Variants in BAIAP2 observed in about 807,000 individuals in gnomAD.
BAIAP2 encodes BAR/IMD domain containing adaptor protein 2.
Under a neutral mutation model 63.0 loss-of-function variants are expected in BAIAP2, and 18 were observed. The ratio of observed to expected loss-of-function variants is 0.29; its 90% CI spans 0.20 to 0.42. The LOEUF (loss-of-function observed/expected upper bound fraction) is 0.42. Ranked by LOEUF, BAIAP2 falls within the 10% of genes least tolerant of loss-of-function variation. The probability of loss-of-function intolerance (pLI) is 1.00; values close to 1 mark genes in which losing one functional copy is unlikely to be tolerated. For synonymous variants in BAIAP2, 386 were observed against 307.6 expected, an observed-to-expected ratio of 1.25 and a Z score of -2.67; for missense variants, 610 against 734.3, an observed-to-expected ratio of 0.83 and a Z score of 1.96.
intron 3 of BAIAP2, among the ~76,000 whole-genome samples, chr17:81,068,389 C>T (rs1403697391): frequency 1.3e-5 from 2 of 152,230 alleles, no homozygotes; most frequent in Non-Finnish European, 2.9e-5. Flanking sequence ...TGGCTTCTGT[C>T]CCCTGCAGAG....
chr17:81,093,842 C>T (rs2057208865), intron 6 of BAIAP2, among the ~76,000 whole-genome samples: 1 of 152,176 alleles, frequency 6.6e-6, no homozygotes, highest in African/African-American at 2.4e-5. Flanking sequence ...CCGGTGATCG[C>T]CAGCGTGGAG....
In BAIAP2 at chr17:81,106,860, G is replaced by T. The variant is rs199655276; in HGVS notation, c.1453G>T (p.Gly485Cys). 5 of 1,606,254 alleles carry T rather than the reference G, an allele frequency of 3.1e-6. No homozygotes were observed. Among genetic ancestry groups the T allele is most frequent in the Admixed American group, 3.4e-5 (2 of 59,508 alleles). Residue 485 changes from glycine to cysteine, a missense_variant, in exon 12 of 14, where the codon GGC becomes TGC. By Grantham distance (159) the Gly-to-Cys change is radical. Coordinates refer to ENST00000428708, the MANE Select transcript of BAIAP2 (RefSeq NM_001144888.2). Reference sequence around the variant, plus strand: ...GGCCTTCCCCGCCCAGACGGCCAGCGGCTTCAAGCAGAGGCCCTACAGTGT... The same window carrying T: ...GGCCTTCCCCGCCCAGACGGCCAGCTGCTTCAAGCAGAGGCCCTACAGTGT... ...SRAFPAQTASGFKQRPYSVAV... is the reference protein window; with the variant it reads ...SRAFPAQTASCFKQRPYSVAV...
At chr17:81,085,469 C>T in intron 4 of BAIAP2, 185 bp from the exon 5 acceptor site, 1 of 700,382 alleles carries the variant, frequency 1.4e-6, no homozygotes. Context: ...TCAGCACTCG[C>T]TCCTGGCTCC....
At position 81,116,535 on chromosome 17, in the gene BAIAP2, G is replaced by T; in HGVS notation, c.*696G>T. The T allele has an allele frequency of 1.7e-6, 1 of 598,224 alleles. No individual in the cohort carries two copies. Among genetic ancestry groups the T allele is most frequent in the Non-Finnish European group, 2.9e-6 (1 of 343,932 alleles). 37.1% of individuals were successfully genotyped at this position (598,224 alleles called of 1,614,324 possible). On this transcript the variant is annotated 3_prime_UTR_variant, in exon 14 of 14. Coordinates refer to ENST00000428708, the MANE Select transcript of BAIAP2 (RefSeq NM_001144888.2). ...CAGGGCCTCCCAGCTCGCTCCTGCG[G>T]CCAAAGGCCAGCTGTCAGGTGCTAT...
At chr17:81,051,054 C>A (rs957335774) in intron 1 of BAIAP2, among the ~76,000 whole-genome samples, 7 of 151,890 alleles carry the variant, frequency 4.6e-5, no homozygotes, top group African/African-American at 1.7e-4. Context: ...GGCGCCAGAC[C>A]TATCTCACCC....
intron 3 of BAIAP2, 60 bp downstream of exon 3, chr17:81,058,027 G>A: frequency 6.1e-6 from 8 of 1,313,692 alleles, no homozygotes; most frequent in South Asian, 1.3e-5. Context: ...CAGCTCTGGG[G>A]CCCTGTCCTG....
intron 2 of BAIAP2, among the ~76,000 whole-genome samples, chr17:81,055,341 G>A (rs958686671): frequency 2.0e-5 from 3 of 152,118 alleles, no homozygotes; most frequent in Non-Finnish European, 4.4e-5. Context: ...AGTTGGGGGT[G>A]GCCTTCATGT....
chr17:81,110,170 T>C (rs920867599), intron 13 of BAIAP2: 1 of 985,490 alleles, frequency 1.0e-6, no homozygotes, highest in African/African-American at 1.7e-5. Flanking sequence ...TGATGTGGTT[T>C]AGTAAAAGCC....
rs554578372 is a variant in BAIAP2 at position 81,099,876 on chromosome 17, T to C, written c.490-52T>C. 28 of 1,595,824 alleles carry C rather than the reference T, an allele frequency of 1.8e-5. No homozygotes were observed. In the African/African-American group the frequency reaches 3.5e-4, roughly 20 times the overall value. On this transcript the variant is annotated intron_variant, in intron 6 of 13. Coordinates refer to ENST00000428708, the MANE Select transcript of BAIAP2 (RefSeq NM_001144888.2). ...CCGTGGGGCTGCCCCAAACCGGTCCTGACAGGCGTCCTTCCATCGCTGGCT... is the reference window on the plus strand; with the variant it reads ...CCGTGGGGCTGCCCCAAACCGGTCCCGACAGGCGTCCTTCCATCGCTGGCT...
rs569874181 is a variant in BAIAP2 at position 81,065,024 on chromosome 17, C to T, written c.217+7057C>T. Among the ~76,000 whole-genome samples, 10 of 152,338 alleles carry T rather than the reference C, an allele frequency of 6.6e-5. No individual in the cohort carries two copies. In the South Asian group the frequency reaches 1.9e-3, roughly 28 times the overall value. The stretch of plus-strand genomic sequence containing the variant: ...CCATGGTGTTTCTCCCTTCCAGCTC[C>T]GGCAGGCGTGATTCCGGGGCACACC... On this transcript the variant is annotated intron_variant, in intron 3 of 13. Transcript: ENST00000428708.
Position 81,085,742 on chromosome 17 carries a change from C to CGTGCCTGCTGGGCCCT in BAIAP2, c.351+25_351+40dup. On this transcript the variant is annotated intron_variant, in intron 5 of 13. Transcript: ENST00000428708. ...TATCTGAGTGTAAGTGCACCCTGGC[C>CGTGCCTGCTGGGCCCT]GTGCCTGCTGGGCCCTGTGCCTGGG... 6.2e-7 allele frequency: 1 copy of CGTGCCTGCTGGGCCCT among 1,608,274 alleles called. No individual in the cohort carries two copies. The highest frequency in any genetic ancestry group is 8.5e-7 in the Non-Finnish European group (1 of 1,176,138).
At chr17:81,105,834 G>T in intron 10 of BAIAP2, 1 of 447,394 alleles carries the variant, frequency 2.2e-6, no homozygotes, top group African/African-American at 2.0e-5. Flanking sequence ...CCTTGCAGTT[G>T]GGTCTGGTGG....
chr17:81,099,445 G>A (rs946781999), intron 6 of BAIAP2, among the ~76,000 whole-genome samples: 2 of 152,026 alleles, frequency 1.3e-5, no homozygotes, highest in African/African-American at 4.8e-5. Flanking sequence ...AGATGGCTGA[G>A]ATGGCTGAGA....
intron 13 of BAIAP2, chr17:81,108,799 C>T: frequency 8.7e-7 from 1 of 1,146,360 alleles, no homozygotes; most frequent in Non-Finnish European, 1.2e-6. Flanking sequence ...GCTGGGGCTG[C>T]AGCCTCCTCT....
chr17:81,068,740 C>T (rs539463299), intron 3 of BAIAP2, among the ~76,000 whole-genome samples: 47 of 152,254 alleles, frequency 3.1e-4, no homozygotes, highest in Middle Eastern at 3.4e-3. Context: ...ACATGAAGTC[C>T]TGCGGGAGGG....
At chr17:81,110,896 C>T in intron 13 of BAIAP2, 1 of 1,613,804 alleles carries the variant, frequency 6.2e-7, no homozygotes, top group Non-Finnish European at 8.5e-7. Context: ...TCCAACTGAG[C>T]CTTGTGTTTC....
At chr17:81,098,853 C>T (rs1016823367) in intron 6 of BAIAP2, among the ~76,000 whole-genome samples, 3 of 152,234 alleles carry the variant, frequency 2.0e-5, no homozygotes, top group African/African-American at 7.2e-5. Flanking sequence ...TGCTGGCTGC[C>T]CTGGTTCTAG....
At chr17:81,115,277 G>A (rs752371538) in intron 13 of BAIAP2, among the ~76,000 whole-genome samples, 4 of 152,238 alleles carry the variant, frequency 2.6e-5, no homozygotes, top group Non-Finnish European at 4.4e-5. Context: ...TGCGGGAGCC[G>A]TGAGCCTAAC....
intron 1 of BAIAP2, among the ~76,000 whole-genome samples, chr17:81,049,625 C>A (rs1402435605): frequency 6.6e-6 from 1 of 152,230 alleles, no homozygotes; most frequent in Non-Finnish European, 1.5e-5. Context: ...AAAAGATACA[C>A]TCGCTCAGTG....
Sources: allele counts gnomAD v4.1 joint callset (sites outside exome capture counted in the v4.1 genomes callset), GRCh38; gene constraint gnomAD v4.1.1; transcripts MANE v1.5; gene names NCBI Gene and HGNC (gene_info 2026-07-23, HGNC 2026-07-21).